Variants in RARB observed in about 807,000 individuals in gnomAD.
RARB encodes HBV-activated protein.
Under a neutral mutation model 51.9 loss-of-function variants are expected in RARB, and 17 were observed. The ratio of observed to expected loss-of-function variants is 0.33; its 90% confidence interval spans 0.22 to 0.49. The LOEUF (loss-of-function observed/expected upper bound fraction) is 0.49, where lower values mean the gene tolerates loss of function less well. RARB is among the 20% of genes least tolerant of loss of function. RARB has a pLI of 0.99. For missense variants in RARB, 369 were observed against 550.8 expected (o/e 0.67, Z 3.30); for synonymous variants, 215 against 195.4 (o/e 1.10, Z -0.84).
chr3:25,024,800 A>G (rs1417997941), intron 2 of RARB, among the ~76,000 whole-genome samples: 1 of 151,984 alleles, frequency 6.6e-6, no homozygotes, highest in Non-Finnish European at 1.5e-5. Context: ...TAAAAATACA[A>G]AAATTGGCTG....
At chr3:24,872,188 C>T (rs1027634155) in intron 2 of RARB, among the ~76,000 whole-genome samples, 1 of 152,130 alleles carries the variant, frequency 6.6e-6, no homozygotes, top group East Asian at 1.9e-4. Flanking sequence ...CCAACATACC[C>T]CCTTTCTGAT....
chr3:25,095,264 A>T (rs1699273676), intron 3 of RARB, among the ~76,000 whole-genome samples: 1 of 152,204 alleles, frequency 6.6e-6, no homozygotes, highest in Non-Finnish European at 1.5e-5. Flanking sequence ...ATGCAGCAGA[A>T]TTTGGGAACC....
chr3:25,271,531 A>T (rs73821774), intron 5 of RARB, among the ~76,000 whole-genome samples: 9,054 of 152,236 alleles, frequency 0.059, 847 homozygotes, highest in African/African-American at 0.21. Flanking sequence ...TGATATTGGC[A>T]TACAACTAAC....
chr3:25,283,783 G>C (rs1184388823), intron 5 of RARB, among the ~76,000 whole-genome samples: 1 of 152,184 alleles, frequency 6.6e-6, no homozygotes, highest in East Asian at 1.9e-4. Context: ...CATTCAGTTA[G>C]GGCCCAGACA....
At chr3:25,086,373 T>C (rs1699105858) in intron 3 of RARB, among the ~76,000 whole-genome samples, 1 of 152,198 alleles carries the variant, frequency 6.6e-6, no homozygotes, top group South Asian at 2.1e-4. Flanking sequence ...TGTCATTTGA[T>C]TTGATTCTTA....
chr3:25,256,408 C>T (rs1702866208), intron 5 of RARB, among the ~76,000 whole-genome samples: 1 of 152,124 alleles, frequency 6.6e-6, no homozygotes, highest in Non-Finnish European at 1.5e-5. Flanking sequence ...CTCTTGTTGA[C>T]ATAATGTCCT....
At chr3:25,026,534 A>G (rs1697753065) in intron 2 of RARB, among the ~76,000 whole-genome samples, 2 of 152,132 alleles carry the variant, frequency 1.3e-5, no homozygotes. Flanking sequence ...TCCTATTCTT[A>G]TAAGGACATC....
chr3:25,517,364 T>C (rs2125628074), intron 3 of RARB, among the ~76,000 whole-genome samples: 1 of 152,226 alleles, frequency 6.6e-6, no homozygotes, highest in East Asian at 1.9e-4. Context: ...AAAGAAAATA[T>C]ACAAATAACT....
chr3:25,055,198 A>G (rs1392965279), intron 2 of RARB, among the ~76,000 whole-genome samples: 1 of 152,174 alleles, frequency 6.6e-6, no homozygotes, highest in African/African-American at 2.4e-5. Context: ...ACGGTTTGGG[A>G]TTTGTATTTG....
chr3:24,888,549 G>T (rs898693444), intron 2 of RARB, among the ~76,000 whole-genome samples: 17 of 151,918 alleles, frequency 1.1e-4, no homozygotes, highest in Non-Finnish European at 2.9e-5. Context: ...GGGTTTAAAT[G>T]CTAGTAATGT....
intron 1 of RARB, among the ~76,000 whole-genome samples, chr3:25,435,355 T>C (rs938802790): frequency 6.6e-6 from 1 of 152,216 alleles, no homozygotes; most frequent in Admixed American, 6.5e-5. Flanking sequence ...CCCAATTTTT[T>C]TCCCATTTCC....
chr3:25,087,916 T>A (rs1480875395), intron 3 of RARB, among the ~76,000 whole-genome samples: 1 of 151,850 alleles, frequency 6.6e-6, no homozygotes, highest in Non-Finnish European at 1.5e-5. Flanking sequence ...TTAAAATAGA[T>A]TTTTATGTGG....
chr3:25,495,446 T>C (rs1696975367), intron 2 of RARB, among the ~76,000 whole-genome samples: 1 of 152,246 alleles, frequency 6.6e-6, no homozygotes, highest in Non-Finnish European at 1.5e-5. Flanking sequence ...TTTGCTTCTT[T>C]CTGCACTGTA....
intron 1 of RARB, among the ~76,000 whole-genome samples, chr3:24,851,493 G>A (rs1391447040): frequency 1.3e-5 from 2 of 151,642 alleles, no homozygotes; most frequent in East Asian, 1.9e-4. Flanking sequence ...CAGCTGATGC[G>A]GTTCCGTCCA....
intron 3 of RARB, among the ~76,000 whole-genome samples, chr3:25,070,428 T>G (rs1201645437): frequency 6.6e-6 from 1 of 152,204 alleles, no homozygotes; most frequent in Non-Finnish European, 1.5e-5. Flanking sequence ...TGAACAAACT[T>G]AAACACAATT....
chr3:24,868,161 A>T (rs1480844336), intron 2 of RARB, among the ~76,000 whole-genome samples: 3 of 152,156 alleles, frequency 2.0e-5, no homozygotes, highest in Non-Finnish European at 4.4e-5. Context: ...CTTCAATAAA[A>T]CAGTATGAAA....
At chr3:25,332,003 T>C (rs1287463913) in intron 5 of RARB, among the ~76,000 whole-genome samples, 3 of 152,084 alleles carry the variant, frequency 2.0e-5, no homozygotes, top group Non-Finnish European at 2.9e-5. Context: ...AATAGACCAA[T>C]AACAGGGTCT....
chr3:25,552,456 G>T (rs1699886244), intron 3 of RARB, among the ~76,000 whole-genome samples: 1 of 151,970 alleles, frequency 6.6e-6, no homozygotes, highest in Admixed American at 6.6e-5. Flanking sequence ...AATTGGAAGG[G>T]ACTTGGTAAG....
At chr3:25,018,197 C>A (rs999263169) in intron 2 of RARB, among the ~76,000 whole-genome samples, 4 of 152,156 alleles carry the variant, frequency 2.6e-5, no homozygotes, top group Admixed American at 6.5e-5. Flanking sequence ...ACTACAAACA[C>A]AGATGTGTTA....
Sources: gnomAD v4.1 joint callset for allele counts (sites outside exome capture counted in the v4.1 genomes callset) on GRCh38, gnomAD v4.1.1 for gene constraint, MANE v1.5 for transcripts, NCBI Gene and HGNC (gene_info 2026-07-23, HGNC 2026-07-21) for gene names.